CACNA2D3: variants seen among roughly 807,000 people sequenced by gnomAD.
The protein encoded by CACNA2D3 is voltage-dependent calcium channel subunit alpha-2/delta-3.
A neutral mutation model predicts 160.6 loss-of-function variants in CACNA2D3; 60 were observed. The ratio of observed to expected loss-of-function variants is 0.37; its 90% CI spans 0.30 to 0.46. The LOEUF is 0.46. Among genes scored for constraint, CACNA2D3 ranks in the 20% least tolerant of loss-of-function variants. The pLI is 1.00. For missense variants in CACNA2D3, 1,205 were observed against 1,365.0 expected, an observed-to-expected ratio of 0.88 and a Z score of 1.85; for synonymous variants, 558 against 492.9, an observed-to-expected ratio of 1.13 and a Z score of -1.75.
intron 11 of CACNA2D3, among the ~76,000 whole-genome samples, chr3:54,726,805 A>C (rs1701285594): frequency 1.3e-5 from 2 of 152,206 alleles, no homozygotes; most frequent in African/African-American, 2.4e-5. Flanking sequence ...TAGAACCATA[A>C]AAATCCTGTA....
intron 2 of CACNA2D3, among the ~76,000 whole-genome samples, chr3:54,204,828 CA>C (rs996875935): frequency 2.6e-5 from 3 of 116,190 alleles, no homozygotes; most frequent in African/African-American, 9.1e-5. Flanking sequence ...AAAGAAAAAG[CA>C]AAACAAAAGA....
intron 4 of CACNA2D3, among the ~76,000 whole-genome samples, chr3:54,405,074 TCTATACTATACTATACTAAAATGTCTATA>T (rs1559472555): frequency 6.6e-6 from 1 of 150,564 alleles, no homozygotes; most frequent in Non-Finnish European, 1.5e-5. Flanking sequence ...TGTTAAAATG[TCTATACTATACTATACTAAAATGTCTATA>T]CTATACTATA....
chr3:54,157,891 G>T (rs1465476898), intron 2 of CACNA2D3, among the ~76,000 whole-genome samples: 3 of 151,360 alleles, frequency 2.0e-5, no homozygotes. Context: ...AAGATTCTTA[G>T]TGAGCAGCTT....
intron 2 of CACNA2D3, among the ~76,000 whole-genome samples, chr3:54,157,835 C>CCAAAA (rs749735814): frequency 1.3e-4 from 18 of 134,264 alleles, no homozygotes; most frequent in Non-Finnish European, 2.3e-4. Flanking sequence ...CCCAACCAAA[C>CCAAAA]AAAAAAAAAA....
intron 9 of CACNA2D3, among the ~76,000 whole-genome samples, chr3:54,611,070 C>T (rs1270859066): frequency 6.6e-6 from 1 of 152,206 alleles, no homozygotes; most frequent in Non-Finnish European, 1.5e-5. Flanking sequence ...TCAGTGAGTG[C>T]TGTATCTGGA....
intron 33 of CACNA2D3, among the ~76,000 whole-genome samples, chr3:55,008,886 T>TACACACACACACACACACACAC (rs1491125549): frequency 3.8e-5 from 2 of 53,292 alleles, no homozygotes; most frequent in Admixed American, 2.1e-4. Flanking sequence ...CACCTCCCTC[T>TACACACACACACACACACACAC]ATACACACAC....
intron 5 of CACNA2D3, among the ~76,000 whole-genome samples, chr3:54,518,767 C>G (rs1168553572): frequency 6.6e-6 from 1 of 152,120 alleles, no homozygotes; most frequent in African/African-American, 2.4e-5. Flanking sequence ...CCATTTTTCC[C>G]CTCCCAGATG....
intron 7 of CACNA2D3, 41 bp from the exon 8 acceptor site, chr3:54,569,913 A>T (rs1199118233): frequency 6.2e-7 from 1 of 1,613,564 alleles, no homozygotes; most frequent in East Asian, 2.2e-5. Context: ...AAGAGAAGTG[A>T]AGTCAGGATT....
Position 54,794,592 on chromosome 3 carries a change from TTC to T in CACNA2D3, c.1381-22256_1381-22255del, listed in dbSNP as rs1442897646. 2.7e-5 allele frequency among the ~76,000 whole-genome samples: 4 copies of T among 149,786 alleles called. No homozygotes were observed. The East Asian group carries it at 7.8e-4, about 29-fold the overall frequency. On this transcript the variant is annotated intron_variant, in intron 13 of 37. Coordinates refer to ENST00000474759, the MANE Select transcript of CACNA2D3 (RefSeq NM_018398.3). ...ATAGTTCACCTCTGCTGGCAGTGAG[TTC>T]TCTCAGATATATTTTTTTTTTTTTT...
At chr3:54,852,033 A>G (rs1314967417) in intron 17 of CACNA2D3, among the ~76,000 whole-genome samples, 5 of 152,164 alleles carry the variant, frequency 3.3e-5, no homozygotes, top group Admixed American at 2.0e-4. Flanking sequence ...CTTTCCTTAA[A>G]GTGGGTTAGA....
At chr3:54,575,717 C>T (rs1369076239) in intron 8 of CACNA2D3, among the ~76,000 whole-genome samples, 1 of 151,908 alleles carries the variant, frequency 6.6e-6, no homozygotes, top group Admixed American at 6.6e-5. Context: ...GCCTGGGGCT[C>T]TGTGGTGGCT....
At chr3:54,289,528 G>T (rs1273905769) in intron 2 of CACNA2D3, among the ~76,000 whole-genome samples, 4 of 151,558 alleles carry the variant, frequency 2.6e-5, no homozygotes, top group Non-Finnish European at 5.9e-5. Flanking sequence ...AGCTACCAAT[G>T]ACTTTCTTCA....
chr3:54,149,404 C>T (rs1405955575), intron 2 of CACNA2D3, among the ~76,000 whole-genome samples: 1 of 152,168 alleles, frequency 6.6e-6, no homozygotes, highest in Non-Finnish European at 1.5e-5. Context: ...TGTCTGCCCT[C>T]AGGAGGACCA....
At chr3:54,146,672 G>T (rs918093706) in intron 2 of CACNA2D3, among the ~76,000 whole-genome samples, 10 of 152,258 alleles carry the variant, frequency 6.6e-5, no homozygotes, top group African/African-American at 2.2e-4. Flanking sequence ...GCCCATGGAA[G>T]CTACAAGGGA....
chr3:54,485,224 G>A (rs2106908464), intron 4 of CACNA2D3, among the ~76,000 whole-genome samples: 1 of 152,232 alleles, frequency 6.6e-6, no homozygotes, highest in Non-Finnish European at 1.5e-5. Flanking sequence ...GTAGAATCAG[G>A]GGTTATCATC....
chr3:55,021,979 G>C (rs1703466495), intron 35 of CACNA2D3, among the ~76,000 whole-genome samples: 1 of 151,842 alleles, frequency 6.6e-6, no homozygotes. Context: ...CTAATAGCTG[G>C]GTACAGGGAT....
chr3:54,273,976 G>A (rs1310385435), intron 2 of CACNA2D3, among the ~76,000 whole-genome samples: 2 of 152,050 alleles, frequency 1.3e-5, no homozygotes, highest in Non-Finnish European at 2.9e-5. Flanking sequence ...ACTGCTAAGT[G>A]TGTAGGTCCT....
At chr3:54,724,541 A>G (rs935531335) in intron 11 of CACNA2D3, among the ~76,000 whole-genome samples, 7 of 152,200 alleles carry the variant, frequency 4.6e-5, no homozygotes, top group African/African-American at 9.7e-5. Context: ...CAGAAAATGC[A>G]AAAGAATGGA....
At chr3:54,905,666 G>C (rs986536343) in intron 27 of CACNA2D3, among the ~76,000 whole-genome samples, 3 of 152,150 alleles carry the variant, frequency 2.0e-5, no homozygotes, top group Non-Finnish European at 4.4e-5. Context: ...AAACATTTCT[G>C]ATTGGCACTA....
Sources: gnomAD v4.1 joint callset for allele counts (sites outside exome capture counted in the v4.1 genomes callset) on GRCh38, gnomAD v4.1.1 for gene constraint, MANE v1.5 for transcripts, NCBI Gene and HGNC (gene_info 2026-07-23, HGNC 2026-07-21) for gene names.